KCTD21: variants seen among roughly 807,000 people sequenced by gnomAD.
The protein encoded by KCTD21 is BTB/POZ domain-containing protein KCTD21.
Under a neutral mutation model 13.2 loss-of-function variants are expected in KCTD21, and 9 were observed. The observed-to-expected ratio is 0.68, with a 90% CI of 0.41 to 1.19. The LOEUF (loss-of-function observed/expected upper bound fraction) is 1.19. KCTD21 is among the 50% of genes most tolerant of loss of function. KCTD21 has a pLI of 0.01. For missense variants in KCTD21, 303 were observed against 336.5 expected (o/e 0.90, Z 0.78); for synonymous variants, 142 against 137.4 (o/e 1.03, Z -0.23).
chr11:78,176,971 C>T (rs992291610), intron 1 of KCTD21: 3 of 152,282 alleles, frequency 2.0e-5, no homozygotes, highest in Non-Finnish European at 4.4e-5. Flanking sequence ...CGTGATTACG[C>T]CACAGAACTC....
At position 78,174,568 on chromosome 11, in the gene KCTD21, G is replaced by A. The variant is rs1036032022; in HGVS notation, c.-14C>T. 6 of 1,599,762 alleles carry A rather than the reference G, an allele frequency of 3.8e-6. No individual in the cohort carries two copies. In the African/African-American group the frequency reaches 8.1e-5, roughly 22 times the overall value. Reference sequence around the variant, plus strand: ...GGGGTCGGACATGGCAGGAGACTGGGTTGCTGGAAGTAGTCCTGGAGAGGG... The same window carrying A: ...GGGGTCGGACATGGCAGGAGACTGGATTGCTGGAAGTAGTCCTGGAGAGGG... On this transcript the variant is annotated 5_prime_UTR_variant, in exon 2 of 2. Coordinates refer to ENST00000340067, the MANE Select transcript of KCTD21 (RefSeq NM_001029859.3).
At position 78,173,703 on chromosome 11, in the gene KCTD21, G is replaced by A. The variant is rs1862352288; in HGVS notation, c.*69C>T. The A allele has an allele frequency of 7.5e-7, 1 of 1,327,838 alleles. No homozygotes were observed. Among genetic ancestry groups the A allele is most frequent in the Admixed American group, 1.9e-5 (1 of 52,362 alleles). The allele number at this position is 1,327,838 out of a possible 1,614,324, so 82.3% of individuals were successfully genotyped here. A position where few individuals can be genotyped will look rare whatever the true frequency, so the allele number is the denominator to read the frequency against. On this transcript the variant is annotated 3_prime_UTR_variant, in exon 2 of 2. Transcript: ENST00000340067. ...GTCCCCTGCCTCGCACCACTGGCGAGATGCCCTCCAAGACCTGGCTGACAT... is the reference window on the plus strand; with the variant it reads ...GTCCCCTGCCTCGCACCACTGGCGAAATGCCCTCCAAGACCTGGCTGACAT...
rs966303164 is a variant in KCTD21 at position 78,174,298 on chromosome 11, A to C, written c.257T>G (p.Phe86Cys). 1.5e-5 allele frequency: 25 copies of C among 1,613,916 alleles called. No individual in the cohort carries two copies. In the African/African-American group the frequency reaches 2.3e-4, roughly 15 times the overall value. The change falls in exon 2 of 2, where the codon TTC (phenylalanine) becomes TGC (cysteine). Residue 86 changes from phenylalanine (F) to cysteine (C), a missense_variant. Coordinates refer to ENST00000340067, the MANE Select transcript of KCTD21 (RefSeq NM_001029859.3). ...EMGLLRREAD[F>C]YQVQPLIEAL... ...CTCAATCAGGGGCTGCACCTGGTAGAAGTCGGCCTCCCTGCGGAGCAGCCC... is the reference window on the plus strand; with the variant it reads ...CTCAATCAGGGGCTGCACCTGGTAGCAGTCGGCCTCCCTGCGGAGCAGCCC...
At position 78,174,279 on chromosome 11, in the gene KCTD21, CAG is replaced by C; in HGVS notation, c.274_275del (p.Leu92AspfsTer2). 4 of 1,614,120 alleles carry C rather than the reference CAG, an allele frequency of 2.5e-6. No homozygotes were observed. The highest frequency in any genetic ancestry group is 3.4e-6 in the Non-Finnish European group (4 of 1,180,030). On this transcript the variant is annotated frameshift_variant, in exon 2 of 2. Transcript: ENST00000340067. LOFTEE classifies it high-confidence loss of function. ...READFYQVQP[L>X]IEALQEKEVE... ...CTTCCTTCTCCTGCAGGGCCTCAAT[CAG>C]GGGCTGCACCTGGTAGAAGTCGGCC...
At chr11:78,185,425 T>A (rs1326987690) in intron 1 of KCTD21, among the ~76,000 whole-genome samples, 1 of 152,124 alleles carries the variant, frequency 6.6e-6, no homozygotes, top group African/African-American at 2.4e-5. Context: ...AGTTACAGAT[T>A]TACTACTACT....
At chr11:78,185,317 G>T (rs1425508438) in intron 1 of KCTD21, among the ~76,000 whole-genome samples, 1 of 152,062 alleles carries the variant, frequency 6.6e-6, no homozygotes, top group Non-Finnish European at 1.5e-5. Flanking sequence ...AAAAATATTT[G>T]TATTTTAAAA....
At chr11:78,187,212 A>G (rs923166317) in intron 1 of KCTD21, 2 of 985,288 alleles carry the variant, frequency 2.0e-6, no homozygotes, top group South Asian at 4.7e-5. Flanking sequence ...ACCTTACCCC[A>G]CCGGAGAAAG....
At chr11:78,178,131 CTTT>C (rs11453841) in intron 1 of KCTD21, 3 of 141,906 alleles carry the variant, frequency 2.1e-5, no homozygotes, top group South Asian at 2.2e-4. Flanking sequence ...CCCTTCTTTT[CTTT>C]TTTTTTTTTT....
rs557353990 is a variant in KCTD21, at chr11:78,171,946, G to A, written c.*1826C>T. On this transcript the variant is annotated 3_prime_UTR_variant, in exon 2 of 2. Coordinates refer to ENST00000340067, the MANE Select transcript of KCTD21 (RefSeq NM_001029859.3). ...AGACTCCTGGGTCCCACCGTAGGGG[G>A]AAAAGGGCCTTTACTGCTCAAGGGA... 3 of 152,438 alleles carry A rather than the reference G, an allele frequency of 2.0e-5. No individual in the cohort carries two copies. The highest frequency in any genetic ancestry group is 2.1e-4 in the South Asian group (1 of 4,830). The allele number at this position is 152,438 out of a possible 1,614,324, so 9.4% of individuals were successfully genotyped here.
intron 1 of KCTD21, among the ~76,000 whole-genome samples, chr11:78,180,099 A>T (rs968388039): frequency 6.6e-6 from 1 of 152,170 alleles, no homozygotes; most frequent in Non-Finnish European, 1.5e-5. Context: ...AAAATCTAAA[A>T]CTACACAACT....
At chr11:78,188,466 G>A (rs1014053263) in intron 1 of KCTD21, 107 bp downstream of exon 1, 15 of 985,218 alleles carry the variant, frequency 1.5e-5, no homozygotes, top group Non-Finnish European at 1.7e-5. Flanking sequence ...AGATGGGAAT[G>A]GCGAGGCTGG....
chr11:78,174,190 G>C lies in KCTD21; in HGVS notation c.365C>G (p.Thr122Arg). The C allele has an allele frequency of 3.7e-6, 6 of 1,614,056 alleles. No homozygotes were observed. Among genetic ancestry groups the C allele is most frequent in the Non-Finnish European group, 5.1e-6 (6 of 1,180,018 alleles). The stretch of plus-strand genomic sequence containing the variant: ...TGCCTCGCGCACAGTGAAGTGGACC[G>C]TCTGCACACGCTGGTTCAGTGTGAT... Reference protein sequence around the residue: ...LNITLNQRVQTVHFTVREAPQ... With the variant: ...LNITLNQRVQRVHFTVREAPQ... Residue 122 changes from threonine to arginine, a missense_variant, in exon 2 of 2, where the codon ACG (threonine) becomes AGG (arginine). By Grantham distance (71) the Thr-to-Arg change is moderately conservative. Transcript: ENST00000340067.
intron 1 of KCTD21, among the ~76,000 whole-genome samples, chr11:78,183,215 C>T (rs936726409): frequency 5.9e-5 from 9 of 152,204 alleles, no homozygotes; most frequent in African/African-American, 2.2e-4. Context: ...TCATATAGCC[C>T]AGTGAATTAA....
intron 1 of KCTD21, among the ~76,000 whole-genome samples, chr11:78,180,164 C>T (rs1234657726): frequency 1.3e-5 from 2 of 152,154 alleles, no homozygotes; most frequent in Non-Finnish European, 2.9e-5. Context: ...TGGATAGGAC[C>T]TAAAAGGGAC....
intron 1 of KCTD21, among the ~76,000 whole-genome samples, chr11:78,178,331 T>A (rs145220960): frequency 1.3e-5 from 2 of 152,130 alleles, no homozygotes; most frequent in Non-Finnish European, 2.9e-5. Flanking sequence ...GATTTCACCA[T>A]GTTGGCCAGG....
chr11:78,186,371 CAAAAAAAAAAAAAAAAAAAAAAAA>C (rs57748403), intron 1 of KCTD21, among the ~76,000 whole-genome samples: 1 of 45,808 alleles, frequency 2.2e-5, no homozygotes, highest in Non-Finnish European at 3.9e-5. Flanking sequence ...GACCCTGTCT[CAAAAAAAAAAAAAAAAAAAAAAAA>C]AAAAAAAAAA....
intron 1 of KCTD21, chr11:78,176,828 T>TACGACA (rs371830742): frequency 6.7e-6 from 1 of 148,308 alleles, no homozygotes; most frequent in Non-Finnish European, 1.5e-5. Flanking sequence ...ATCCTGTCTC[T>TACGACA]ACAACAACAA....
chr11:78,182,585 T>C (rs1862661756), intron 1 of KCTD21, among the ~76,000 whole-genome samples: 1 of 152,194 alleles, frequency 6.6e-6, no homozygotes, highest in African/African-American at 2.4e-5. Context: ...TTGATAAATA[T>C]ATTGATCCTT....
Position 78,174,716 on chromosome 11 carries a change from A to G in KCTD21, c.-29-133T>C, listed in dbSNP as rs376109905. 1.2e-5 allele frequency: 8 copies of G among 640,770 alleles called. No individual in the cohort carries two copies. The South Asian group carries it at 1.4e-4, about 11-fold the overall frequency. The allele number at this position is 640,770 out of a possible 1,614,324, so 39.7% of individuals were successfully genotyped here. ...AATTAATACCTGATGAATGGGTGAT[A>G]ATTGCTAACACTGTGCAAAGTACAT... On this transcript the variant is annotated intron_variant, in intron 1 of 1. Transcript: ENST00000340067.
Sources: allele counts gnomAD v4.1 joint callset (sites outside exome capture counted in the v4.1 genomes callset), GRCh38; gene constraint gnomAD v4.1.1; transcripts MANE v1.5; gene names NCBI Gene and HGNC (gene_info 2026-07-23, HGNC 2026-07-21).